Variants in NEK10 observed in about 807,000 individuals in gnomAD.
The protein encoded by NEK10 is serine/threonine-protein kinase Nek10.
A neutral mutation model predicts 159.8 loss-of-function variants in NEK10; 122 were observed. That is an observed-to-expected ratio of 0.76 (90% CI 0.66 to 0.89). NEK10 has a LOEUF of 0.89. NEK10 is among the 40% of genes least tolerant of loss of function. The pLI is 0.00. For synonymous variants in NEK10, 466 were observed against 457.1 expected, an observed-to-expected ratio of 1.02 and a Z score of -0.25; for missense variants, 1,342 against 1,323.1, an observed-to-expected ratio of 1.01 and a Z score of -0.22.
Position 27,174,324 on chromosome 3 carries a change from T to C in NEK10, c.2776+115A>G, listed in dbSNP as rs1045242258. 5.8e-6 allele frequency: 9 copies of C among 1,548,524 alleles called. No homozygotes were observed. In the African/African-American group the frequency reaches 8.3e-5, roughly 14 times the overall value. ...CATCTGTCCTAATTAGCACTGCACC[T>C]GAAAAACAAACCACTGGGTTATGTA... On this transcript the variant is annotated intron_variant, in intron 28 of 35. Coordinates refer to ENST00000691995, the MANE Select transcript of NEK10 (RefSeq NM_001394966.1).
intron 1 of NEK10, among the ~76,000 whole-genome samples, chr3:27,355,034 C>A (rs909952472): frequency 2.0e-5 from 3 of 152,180 alleles, no homozygotes; most frequent in Admixed American, 1.3e-4. Context: ...AGGCTCTGGG[C>A]AGAGTGCCCA....
chr3:27,180,509 A>C (rs1193551619), intron 26 of NEK10, among the ~76,000 whole-genome samples: 1 of 152,134 alleles, frequency 6.6e-6, no homozygotes, highest in African/African-American at 2.4e-5. Context: ...GTTTTAAGAA[A>C]TTTTTTGTTT....
At chr3:27,196,351 G>A (rs1351925666) in intron 25 of NEK10, among the ~76,000 whole-genome samples, 2 of 152,166 alleles carry the variant, frequency 1.3e-5, no homozygotes, top group African/African-American at 2.4e-5. Flanking sequence ...TTTTGGAGAC[G>A]TGAGTCTGCC....
chr3:27,318,845 C>T (rs777587406), intron 6 of NEK10, among the ~76,000 whole-genome samples: 9 of 151,980 alleles, frequency 5.9e-5, no homozygotes, highest in Non-Finnish European at 1.0e-4. Flanking sequence ...TAGATATGAA[C>T]TTGTGAACAA....
In NEK10 at chr3:27,295,755, C is replaced by T. The variant is rs56848370; in HGVS notation, c.1231-65G>A. ...GTAGTGATACACAAGCAAAAAGAGG[C>T]AAATAAACAATCTCAAACATTAATA... On this transcript the variant is annotated intron_variant, in intron 14 of 35. Transcript: ENST00000691995. The T allele has an allele frequency of 5.0e-3, 7,251 of 1,454,108 alleles. 317 individuals carry two copies. The African/African-American group carries it at 0.092, about 19-fold the overall frequency. The allele number at this position is 1,454,108 out of a possible 1,614,324, so 90.1% of individuals were successfully genotyped here. A position where few individuals can be genotyped will look rare whatever the true frequency, so the allele number is the denominator to read the frequency against.
intron 23 of NEK10, among the ~76,000 whole-genome samples, chr3:27,224,245 C>A (rs1160211190): frequency 1.3e-5 from 2 of 152,208 alleles, no homozygotes; most frequent in African/African-American, 4.8e-5. Context: ...AATGGACAGT[C>A]CCATTTCTTA....
intron 22 of NEK10, among the ~76,000 whole-genome samples, chr3:27,262,087 T>C (rs1575497726): frequency 6.6e-6 from 1 of 152,164 alleles, no homozygotes; most frequent in Non-Finnish European, 1.5e-5. Context: ...GAGATCTTCC[T>C]CCATCCCTTT....
chr3:27,119,860 C>T lies in NEK10; in HGVS notation c.3090G>A (p.Gln1030=). The T allele has an allele frequency of 6.2e-7, 1 of 1,613,152 alleles. No homozygotes were observed. Among genetic ancestry groups the T allele is most frequent in the African/African-American group, 1.3e-5 (1 of 74,990 alleles). The change falls in exon 33 of 36, where the codon CAG becomes CAA. Residue 1030 remains glutamine (Q), a synonymous_variant. Coordinates refer to ENST00000691995, the MANE Select transcript of NEK10 (RefSeq NM_001394966.1). Reference sequence around the variant, plus strand: ...TGGGCTCAATCGGTTCTGGAGATCCCTGAGATAACTGAAATAGAAAAAGCA... The same window carrying T: ...TGGGCTCAATCGGTTCTGGAGATCCTTGAGATAACTGAAATAGAAAAAGCA... ...NLKSEIKKLS[Q]GSPEPIEPNF... is the part of the protein sequence containing the mutation.
At chr3:27,244,176 G>A (rs1040461619) in intron 23 of NEK10, among the ~76,000 whole-genome samples, 18 of 152,126 alleles carry the variant, frequency 1.2e-4, no homozygotes, top group Non-Finnish European at 1.3e-4. Context: ...CACCAAATAC[G>A]CTGAGCCTAT....
At chr3:27,238,438 T>C (rs1044529003) in intron 23 of NEK10, among the ~76,000 whole-genome samples, 3 of 152,236 alleles carry the variant, frequency 2.0e-5, no homozygotes, top group Non-Finnish European at 4.4e-5. Flanking sequence ...GAGAATATAC[T>C]GATTTTCTAA....
At chr3:27,114,521 A>C (rs1258976536) in intron 35 of NEK10, among the ~76,000 whole-genome samples, 5 of 152,202 alleles carry the variant, frequency 3.3e-5, no homozygotes, top group Admixed American at 2.0e-4. Context: ...CTTGTGACTC[A>C]TAAGAAAAAC....
chr3:27,260,865 T>C (rs943678284), intron 22 of NEK10, among the ~76,000 whole-genome samples: 2 of 152,210 alleles, frequency 1.3e-5, no homozygotes, highest in Non-Finnish European at 2.9e-5. Context: ...CTTTTTTTGG[T>C]TGGTAAACTA....
At chr3:27,345,037 A>G (rs992385444) in intron 4 of NEK10, among the ~76,000 whole-genome samples, 2 of 152,244 alleles carry the variant, frequency 1.3e-5, no homozygotes, top group African/African-American at 4.8e-5. Flanking sequence ...AAAACTAGAA[A>G]AGGATAAGAA....
intron 31 of NEK10, among the ~76,000 whole-genome samples, chr3:27,132,895 A>G (rs1163357321): frequency 6.6e-6 from 1 of 152,224 alleles, no homozygotes; most frequent in Admixed American, 6.5e-5. Context: ...AAGAGATCTC[A>G]ATATTAAACA....
chr3:27,122,247 C>A (rs898315675), intron 32 of NEK10, among the ~76,000 whole-genome samples: 2 of 152,094 alleles, frequency 1.3e-5, no homozygotes, highest in African/African-American at 4.8e-5. Context: ...GTCTCTCCTG[C>A]CGCCCAGTGA....
intron 1 of NEK10, among the ~76,000 whole-genome samples, chr3:27,356,014 G>A (rs1303134765): frequency 6.6e-6 from 1 of 152,206 alleles, no homozygotes; most frequent in African/African-American, 2.4e-5. Flanking sequence ...CTGTCCTCAT[G>A]AGTGGGTTTA....
At chr3:27,191,688 C>T (rs1268331689) in intron 26 of NEK10, among the ~76,000 whole-genome samples, 3 of 152,186 alleles carry the variant, frequency 2.0e-5, no homozygotes, top group Non-Finnish European at 4.4e-5. Context: ...CATATTCATA[C>T]ATATTCCCAA....
chr3:27,147,186 T>G (rs989722888), intron 30 of NEK10, among the ~76,000 whole-genome samples: 1 of 152,178 alleles, frequency 6.6e-6, no homozygotes, highest in Non-Finnish European at 1.5e-5. Context: ...TCATACACGT[T>G]GTGGGGTGAA....
intron 6 of NEK10, among the ~76,000 whole-genome samples, chr3:27,321,487 A>G (rs185152384): frequency 1.3e-5 from 2 of 152,312 alleles, no homozygotes; most frequent in African/African-American, 4.8e-5. Context: ...CCTGGCCAAC[A>G]TGGTGAAACC....
Sources: gnomAD v4.1 joint callset for allele counts (sites outside exome capture counted in the v4.1 genomes callset) on GRCh38, gnomAD v4.1.1 for gene constraint, MANE v1.5 for transcripts, NCBI Gene and HGNC (gene_info 2026-07-23, HGNC 2026-07-21) for gene names.